Variants in SDC1 observed in about 807,000 individuals in gnomAD.
SDC1 encodes syndecan-1.
SDC1 carries 14 observed loss-of-function variants against 29.7 expected under a neutral mutation model. The observed-to-expected ratio is 0.47, with a 90% CI of 0.31 to 0.74. The LOEUF (loss-of-function observed/expected upper bound fraction) is 0.74. SDC1 is among the 30% of genes least tolerant of loss of function. SDC1 has a pLI of 0.05. For missense variants in SDC1, 406 were observed against 400.3 expected (o/e 1.01, Z -0.12); for synonymous variants, 204 against 175.5 (o/e 1.16, Z -1.29).
chr2:20,210,116 C>T lies in SDC1; in HGVS notation c.67-4692G>A, dbSNP rs575587855. The stretch of plus-strand genomic sequence containing the variant: ...CAGCACTTCGGGAGGCCGAGGTAGG[C>T]GGATCACCTGAGGTCAGGAATTCCA... On this transcript the variant is annotated intron_variant, in intron 1 of 4. Coordinates refer to ENST00000254351, the MANE Select transcript of SDC1 (RefSeq NM_002997.5). Among the ~76,000 whole-genome samples the T allele has an allele frequency of 6.5e-4, 99 of 152,324 alleles. 2 individuals are homozygous for T. The highest frequency in any genetic ancestry group is 2.1e-3 in the African/African-American group (87 of 41,566).
chr2:20,205,818 C>T (rs1416847921), intron 1 of SDC1, among the ~76,000 whole-genome samples: 4 of 152,224 alleles, frequency 2.6e-5, no homozygotes, highest in Non-Finnish European at 5.9e-5. Context: ...CTCTTGGGGG[C>T]CATCAGCCAG....
chr2:20,212,739 T>A (rs139733606), intron 1 of SDC1, among the ~76,000 whole-genome samples: 1 of 151,710 alleles, frequency 6.6e-6, no homozygotes, highest in Non-Finnish European at 1.5e-5. Flanking sequence ...GAGACAGAAA[T>A]GGGCAGGAAG....
rs576187526 is a variant in SDC1 at position 20,224,495 on chromosome 2, G to A, written c.66+307C>T. 1.3e-4 allele frequency among the ~76,000 whole-genome samples: 20 copies of A among 151,746 alleles called. No homozygotes were observed. The highest frequency in any genetic ancestry group is 4.6e-4 in the African/African-American group (19 of 41,374). On this transcript the variant is annotated intron_variant, in intron 1 of 4. Coordinates refer to ENST00000254351, the MANE Select transcript of SDC1 (RefSeq NM_002997.5). This position sits in a 1 kb window ranked among gnomAD's most constrained non-coding sequence, Gnocchi z 4.9. The stretch of plus-strand genomic sequence containing the variant: ...TGGCCGGGGCGAGGAGGGTGGGAAC[G>A]GGCGACCCCGGGCGCCGCTGTGGGC...
chr2:20,211,238 G>T (rs1048308043), intron 1 of SDC1, among the ~76,000 whole-genome samples: 1 of 152,190 alleles, frequency 6.6e-6, no homozygotes, highest in Non-Finnish European at 1.5e-5. Flanking sequence ...ACAAGCCCCA[G>T]GTCCTGTAGG....
chr2:20,203,672 G>A, intron 3 of SDC1, 141 bp downstream of exon 3: 3 of 692,012 alleles, frequency 4.3e-6, no homozygotes, highest in African/African-American at 1.8e-5. Flanking sequence ...AGGCCCTGGG[G>A]GTAGGGGAAG....
At chr2:20,218,808 T>C (rs997299804) in intron 1 of SDC1, among the ~76,000 whole-genome samples, 34 of 128,082 alleles carry the variant, frequency 2.7e-4, no homozygotes, top group African/African-American at 9.5e-4. Flanking sequence ...CACACAGACA[T>C]ACACACGCAG....
intron 1 of SDC1, among the ~76,000 whole-genome samples, chr2:20,216,699 G>C (rs753570972): frequency 6.6e-6 from 1 of 152,174 alleles, no homozygotes; most frequent in South Asian, 2.1e-4. Context: ...CATGGGAACA[G>C]CAGGGCCAGG....
At chr2:20,206,789 A>G (rs1677285342) in intron 1 of SDC1, among the ~76,000 whole-genome samples, 1 of 152,216 alleles carries the variant, frequency 6.6e-6, no homozygotes. Context: ...TAACATCTAC[A>G]TTCCAGGACT....
At chr2:20,210,247 A>C (rs1399987938) in intron 1 of SDC1, among the ~76,000 whole-genome samples, 9 of 152,200 alleles carry the variant, frequency 5.9e-5, no homozygotes, top group African/African-American at 2.2e-4. Flanking sequence ...AGGCTGAGGC[A>C]GGAGAATCAC....
intron 1 of SDC1, among the ~76,000 whole-genome samples, chr2:20,218,029 G>C (rs1023944179): frequency 6.6e-6 from 1 of 152,086 alleles, no homozygotes; most frequent in South Asian, 2.1e-4. Context: ...ACTCTCCTTC[G>C]AGTCCCAAGA....
chr2:20,203,091 C>A lies in SDC1; in HGVS notation c.759G>T (p.Leu253=). ...SQGLLDRKEV[L]GGVIAGGLVG... ...CCCCCCTGAAAGAAAACTCACCTCC[C>A]AGCACCTCTTTCCTGTCCAGGAGGC... Residue 253 remains leucine (L), a synonymous_variant, in exon 4 of 5, where the codon CTG becomes CTT. Coordinates refer to ENST00000254351, the MANE Select transcript of SDC1 (RefSeq NM_002997.5). The A allele has an allele frequency of 6.2e-7, 1 of 1,602,552 alleles. No homozygotes were observed. Among genetic ancestry groups the A allele is most frequent in the Non-Finnish European group, 8.5e-7 (1 of 1,172,158 alleles).
intron 1 of SDC1, among the ~76,000 whole-genome samples, chr2:20,215,557 C>A (rs893150031): frequency 6.6e-6 from 1 of 152,252 alleles, no homozygotes; most frequent in Non-Finnish European, 1.5e-5. Context: ...TCAGACTGCA[C>A]CCCTTCCCAC....
chr2:20,204,257 G>T lies in SDC1; in HGVS notation c.183C>A (p.Thr61=), dbSNP rs756916872. Residue 61 remains threonine, a synonymous_variant, in exon 3 of 5, where the codon ACC becomes ACA. Coordinates refer to ENST00000254351, the MANE Select transcript of SDC1 (RefSeq NM_002997.5). ...GCTGCGTGTCCTTCCAAGTGGAGGG[G>T]GTCTGCTGTGACAAGGTGATATCTT... The part of the protein sequence containing the change: ...ALQDITLSQQ[T]PSTWKDTQLL... 11 of 1,596,602 alleles carry T rather than the reference G, an allele frequency of 6.9e-6. No individual in the cohort carries two copies. The highest frequency in any genetic ancestry group is 8.5e-6 in the Non-Finnish European group (10 of 1,178,292).
intron 3 of SDC1, 22 bp from the exon 4 acceptor site, chr2:20,203,244 T>C (rs377235267): frequency 3.5e-5 from 55 of 1,588,270 alleles, no homozygotes; most frequent in East Asian, 2.7e-4. Context: ...CAGGGGCAGA[T>C]TGGGTTGGCC....
Position 20,202,129 on chromosome 2 carries a change from G to T in SDC1, c.*637C>A. On this transcript the variant is annotated 3_prime_UTR_variant, in exon 5 of 5. Transcript: ENST00000254351. ...AAAAAAAAAAAGTCTTCTTAACCCT[G>T]ATGCTGTCTCCCGACCATAGATTAG... 1 of 556,200 alleles carries T rather than the reference G, an allele frequency of 1.8e-6. No homozygotes were observed. The highest frequency in any genetic ancestry group is 2.7e-4 in the Middle Eastern group (1 of 3,696). The allele number at this position is 556,200 out of a possible 1,614,324, so 34.5% of individuals were successfully genotyped here. A position where few individuals can be genotyped will look rare whatever the true frequency, so the allele number is the denominator to read the frequency against.
At chr2:20,213,752 G>A (rs1021058594) in intron 1 of SDC1, among the ~76,000 whole-genome samples, 3 of 152,330 alleles carry the variant, frequency 2.0e-5, no homozygotes, top group Middle Eastern at 3.4e-3. Flanking sequence ...CCTGGGGACC[G>A]GGGCACCTCT....
chr2:20,205,500 G>T, intron 1 of SDC1, 76 bp from the exon 2 acceptor site: 1 of 1,202,844 alleles, frequency 8.3e-7, no homozygotes, highest in Non-Finnish European at 1.2e-6. Flanking sequence ...CTCCTAGACA[G>T]CTGAGTGGAC....
chr2:20,219,627 C>T (rs1677749989), intron 1 of SDC1, among the ~76,000 whole-genome samples: 1 of 152,242 alleles, frequency 6.6e-6, no homozygotes, highest in African/African-American at 2.4e-5. Context: ...AAAACCCAAC[C>T]TCTGCTGGAA....
chr2:20,219,085 G>A (rs956744250), intron 1 of SDC1, among the ~76,000 whole-genome samples: 2 of 152,148 alleles, frequency 1.3e-5, no homozygotes, highest in African/African-American at 4.8e-5. Context: ...GCAGGAGCAG[G>A]TCCAGCCGCC....
Sources: gnomAD v4.1 joint callset for allele counts (sites outside exome capture counted in the v4.1 genomes callset) on GRCh38, gnomAD v4.1.1 for gene constraint, Gnocchi (gnomAD v3.1) non-coding constraint, MANE v1.5 for transcripts, NCBI Gene and HGNC (gene_info 2026-07-23, HGNC 2026-07-21) for gene names.